The following ROBO4 variants were observed in gnomAD, a reference collection of about 807,000 sequenced individuals.
ROBO4 encodes the protein roundabout homolog 4.
A neutral mutation model predicts 103.3 loss-of-function variants in ROBO4; 80 were observed. The ratio of observed to expected loss-of-function variants is 0.77; its 90% CI spans 0.65 to 0.93. The LOEUF (loss-of-function observed/expected upper bound fraction) is 0.93. ROBO4 is among the 40% of genes least tolerant of loss of function. ROBO4 has a pLI of 0.00. For missense variants in ROBO4, 1,333 were observed against 1,305.3 expected, an observed-to-expected ratio of 1.02 and a Z score of -0.33; for synonymous variants, 504 against 529.7, an observed-to-expected ratio of 0.95 and a Z score of 0.67.
intron 7 of ROBO4, among the ~76,000 whole-genome samples, 188 bp downstream of exon 7, chr11:124,894,893 C>T (rs181203582): frequency 6.6e-6 from 1 of 152,312 alleles, no homozygotes; most frequent in East Asian, 1.9e-4. Flanking sequence ...TGAGGTAAAA[C>T]GGGATCATGG....
At chr11:124,890,910 C>T (rs11219829) in intron 12 of ROBO4, among the ~76,000 whole-genome samples, 17,435 of 152,244 alleles carry the variant, frequency 0.11, 1,320 homozygotes, top group East Asian at 0.27. Context: ...TCTAGCATTA[C>T]TTGTTTGCTA....
chr11:124,893,647 G>C (rs781056023), intron 10 of ROBO4, 41 bp downstream of exon 10: 2 of 1,593,972 alleles, frequency 1.3e-6, no homozygotes, highest in Non-Finnish European at 1.7e-6. Context: ...ACTGTCCCTT[G>C]CCACCCTCCC....
At position 124,895,505 on chromosome 11, in the gene ROBO4, C is replaced by G. The variant is rs764396914; in HGVS notation, c.988G>C (p.Ala330Pro). 3.1e-6 allele frequency: 5 copies of G among 1,611,370 alleles called. No homozygotes were observed. In the South Asian group the frequency reaches 5.5e-5, roughly 18 times the overall value. Residue 330 changes from alanine to proline, a missense_variant, in exon 6 of 18, where the codon GCT (alanine) becomes CCT (proline). Physicochemically the swap from Ala to Pro is conservative, Grantham distance 27. Transcript: ENST00000306534. ...AGCACGTTGCTGTCAGGGCCTCGAG[C>G]CCGGCCAGAGGATGGTCTCACTTTG... ...EFKVRPSSGR[A>P]RGPDSNVLLL...
Position 124,894,387 on chromosome 11 carries a change from G to A in ROBO4, c.1150-18C>T, listed in dbSNP as rs1423444880. ...CTCCAGACCTGAGGCACAAGCAGAG[G>A]TGAACAGCTTCCCCAGGCACCATCC... is the stretch of plus-strand genomic sequence containing the variant. On this transcript the variant is annotated intron_variant, in intron 7 of 17. Coordinates refer to ENST00000306534, the MANE Select transcript of ROBO4 (RefSeq NM_019055.6). 1 of 1,602,820 alleles carries A rather than the reference G, an allele frequency of 6.2e-7. No homozygotes were observed. The highest frequency in any genetic ancestry group is 8.5e-7 in the Non-Finnish European group (1 of 1,174,728).
At chr11:124,894,402 A>C in intron 7 of ROBO4, 33 bp from the exon 8 acceptor site, 3 of 1,590,712 alleles carry the variant, frequency 1.9e-6, no homozygotes, top group Non-Finnish European at 2.6e-6. Context: ...CAGCTTCCCC[A>C]GGCACCATCC....
chr11:124,884,657 C>T lies in ROBO4; in HGVS notation c.*234G>A, dbSNP rs1946682818. On this transcript the variant is annotated 3_prime_UTR_variant, in exon 18 of 18. Transcript: ENST00000306534. Reference sequence around the variant, plus strand: ...GATGGCACAGAGGAGAAAGCAGTGGCTAGGAGTCAGGTGGAGATGATGTTT... The same window carrying T: ...GATGGCACAGAGGAGAAAGCAGTGGTTAGGAGTCAGGTGGAGATGATGTTT... 3.3e-6 allele frequency: 2 copies of T among 600,600 alleles called. No individual in the cohort carries two copies. Among genetic ancestry groups the T allele is most frequent in the South Asian group, 4.0e-5 (2 of 49,692 alleles). The allele number at this position is 600,600 out of a possible 1,614,324, so 37.2% of individuals were successfully genotyped here.
intron 6 of ROBO4, 62 bp downstream of exon 6, chr11:124,895,395 G>T (rs1946867143): frequency 1.3e-6 from 2 of 1,502,252 alleles, no homozygotes; most frequent in African/African-American, 1.4e-5. Context: ...CAGTCCAGGG[G>T]CCCCCAAATA....
At position 124,896,265 on chromosome 11, in the gene ROBO4, G is replaced by A. The variant is rs555660501; in HGVS notation, c.612C>T (p.Thr204=). The change falls in exon 4 of 18, where the codon ACC becomes ACT. Residue 204 remains threonine (T), a synonymous_variant. Transcript: ENST00000306534. The part of the protein sequence containing the change: ...MARAEKSDEG[T]YMCVATNSAG... ...CGCTGTTGGTGGCCACACACATGTA[G>A]GTCCCTTCGTCACTCTTCTCTGCTC... The A allele has an allele frequency of 6.2e-7, 1 of 1,614,134 alleles. No individual in the cohort carries two copies. The highest frequency in any genetic ancestry group is 2.2e-5 in the East Asian group (1 of 44,868).
chr11:124,887,748 G>C lies in ROBO4; in HGVS notation c.2041C>G (p.Leu681Val). 1 of 1,614,002 alleles carries C rather than the reference G, an allele frequency of 6.2e-7. No homozygotes were observed. Among genetic ancestry groups the C allele is most frequent in the South Asian group, 1.1e-5 (1 of 91,068 alleles). Residue 681 changes from leucine to valine, a missense_variant, in exon 13 of 18, where the codon CTT becomes GTT. By Grantham distance (32) the Leu-to-Val change is conservative. Transcript: ENST00000306534. ...CELGNRGSKN[L>V]SQSPGAVPQA... ...CCCCTCTCACCTGGGCTTTGGGAAA[G>C]GTTCTTGGAACCTCTATTTCCTAAC...
At position 124,896,971 on chromosome 11, in the gene ROBO4, C is replaced by T; in HGVS notation, c.361G>A (p.Gly121Ser). Residue 121 changes from glycine to serine, a missense_variant, in exon 2 of 18, where the codon GGC becomes AGC. Coordinates refer to ENST00000306534, the MANE Select transcript of ROBO4 (RefSeq NM_019055.6). Reference protein sequence around the residue: ...VYTCEASNRLGTAVSRGARLS... With the variant: ...VYTCEASNRLSTAVSRGARLS... ...CGAGCGCCTCTGCTGACTGCCGTGC[C>T]AAGCCGGTTGCTGGCCTCACATGTG... 1 of 1,613,866 alleles carries T rather than the reference C, an allele frequency of 6.2e-7. No homozygotes were observed. The highest frequency in any genetic ancestry group is 8.5e-7 in the Non-Finnish European group (1 of 1,180,026).
At position 124,897,238 on chromosome 11, in the gene ROBO4, G is replaced by A. The variant is rs1479352457; in HGVS notation, c.94C>T (p.Pro32Ser). 6.9e-7 allele frequency: 1 copy of A among 1,457,360 alleles called. No homozygotes were observed. The highest frequency in any genetic ancestry group is 9.0e-7 in the Non-Finnish European group (1 of 1,105,006). 90.3% of individuals were successfully genotyped at this position (1,457,360 alleles called of 1,614,324 possible). ...TCCTGGGGGTGGACTAGGATCTGGG[G>A]CGGGGAGTCCTGAGCCATGCCTCCT... is the stretch of plus-strand genomic sequence containing the variant. ...IMGGMAQDSPPQILVHPQDQL... is the reference protein window; with the variant it reads ...IMGGMAQDSPSQILVHPQDQL... Residue 32 changes from proline (P) to serine (S), a missense_variant, in exon 2 of 18, where the codon CCC becomes TCC. Coordinates refer to ENST00000306534, the MANE Select transcript of ROBO4 (RefSeq NM_019055.6).
chr11:124,893,191 G>A (rs1026431773), intron 10 of ROBO4, among the ~76,000 whole-genome samples: 4 of 152,228 alleles, frequency 2.6e-5, no homozygotes, highest in African/African-American at 9.6e-5. Flanking sequence ...CGAATATACC[G>A]GAAGCAGAAG....
At chr11:124,891,236 A>G in intron 12 of ROBO4, 63 bp downstream of exon 12, 2 of 1,493,942 alleles carry the variant, frequency 1.3e-6, no homozygotes, top group Non-Finnish European at 1.8e-6. Flanking sequence ...TGTTCCCATC[A>G]CATTCCCATT....
rs758809437 is a variant in ROBO4 at position 124,893,717 on chromosome 11, A to G, written c.1518T>C (p.Tyr506=). The G allele has an allele frequency of 3.1e-6, 5 of 1,613,802 alleles. No individual in the cohort carries two copies. In the Middle Eastern group the frequency reaches 4.9e-4, roughly 159 times the overall value. The stretch of plus-strand genomic sequence containing the variant: ...GTTTTAGGATGGCATCCTCACTGGT[A>G]TATCTGTACAGACCTGGGAGAAGGC... The part of the protein sequence containing the change: ...RVHLGPGLYR[Y]TSEDAILKHR... Residue 506 remains tyrosine, a synonymous_variant, in exon 10 of 18, where the codon TAT becomes TAC. Transcript: ENST00000306534.
chr11:124,886,246 TA>T (rs2135364532), intron 16 of ROBO4: 1 of 466,254 alleles, frequency 2.1e-6, no homozygotes, highest in Non-Finnish European at 3.8e-6. Flanking sequence ...GGCAAGCCAA[TA>T]AAATTATCTG....
intron 17 of ROBO4, 36 bp downstream of exon 17, chr11:124,885,005 A>G: frequency 1.2e-6 from 2 of 1,614,026 alleles, no homozygotes; most frequent in Non-Finnish European, 8.5e-7. Flanking sequence ...CCCTCTGGTC[A>G]AGATGAACAC....
chr11:124,895,028 A>G (rs1489471517), intron 7 of ROBO4, 53 bp downstream of exon 7: 3 of 1,336,738 alleles, frequency 2.2e-6, no homozygotes, highest in Non-Finnish European at 3.2e-6. Context: ...AACTCCAGAG[A>G]AAAGAGATGT....
In ROBO4 at chr11:124,885,200, TG is replaced by T. The variant is rs1416400293; in HGVS notation, c.2841del (p.Asn948ThrfsTer57). ...PSPRDEIFLT[P>X]NLSLPLWEWR... ...CACTCCCACAGGGGCAGGGAGAGGT[TG>T]GGGGTCAGGAAGATCTCATCCCGTG... is the stretch of plus-strand genomic sequence containing the variant. On this transcript the variant is annotated frameshift_variant, in exon 17 of 18. Transcript: ENST00000306534. LOFTEE classifies it high-confidence loss of function. The T allele has an allele frequency of 6.2e-7, 1 of 1,613,624 alleles. No homozygotes were observed. Among genetic ancestry groups the T allele is most frequent in the Non-Finnish European group, 8.5e-7 (1 of 1,179,976 alleles).
chr11:124,897,578 A>G, intron 1 of ROBO4, 148 bp downstream of exon 1: 1 of 669,920 alleles, frequency 1.5e-6, no homozygotes, highest in Non-Finnish European at 2.7e-6. Context: ...ACAAACACAC[A>G]TACACTTACA....
Sources: allele counts gnomAD v4.1 joint callset (sites outside exome capture counted in the v4.1 genomes callset), GRCh38; gene constraint gnomAD v4.1.1; transcripts MANE v1.5; gene names NCBI Gene and HGNC (gene_info 2026-07-23, HGNC 2026-07-21).